SEMA5A: variants seen among roughly 807,000 people sequenced by gnomAD.
The protein encoded by SEMA5A is semaphorin 5A, also known as semaphorin-5A.
SEMA5A carries 55 observed loss-of-function variants against 135.5 expected under a neutral mutation model. That is an observed-to-expected ratio of 0.41 (90% confidence interval 0.33 to 0.51). SEMA5A has a LOEUF of 0.51. Ranked by LOEUF, SEMA5A falls within the 20% of genes least tolerant of loss-of-function variation. The probability of loss-of-function intolerance (pLI) is 0.37; values close to 1 mark genes in which losing one functional copy is unlikely to be tolerated. For synonymous variants in SEMA5A, 580 were observed against 546.5 expected (o/e 1.06, Z -0.85); for missense variants, 1,290 against 1,419.9 (o/e 0.91, Z 1.47).
intron 1 of SEMA5A, among the ~76,000 whole-genome samples, chr5:9,476,713 A>G (rs1434341197): frequency 2.6e-5 from 4 of 152,136 alleles, no homozygotes; most frequent in African/African-American, 9.7e-5. Flanking sequence ...CAGGTGACAT[A>G]CTTTTCCATC....
chr5:9,412,994 T>C (rs753163479), intron 2 of SEMA5A, among the ~76,000 whole-genome samples: 9 of 152,232 alleles, frequency 5.9e-5, no homozygotes, highest in Non-Finnish European at 7.3e-5. Flanking sequence ...TCATAATGTG[T>C]ACCATTCCAT....
intron 13 of SEMA5A, among the ~76,000 whole-genome samples, chr5:9,134,839 T>G (rs1023882287): frequency 1.3e-5 from 2 of 152,332 alleles, no homozygotes; most frequent in East Asian, 3.9e-4. Flanking sequence ...TTAAACATTA[T>G]GTTTTATCAA....
chr5:9,080,851 C>T (rs904799562), intron 16 of SEMA5A, among the ~76,000 whole-genome samples: 52 of 152,254 alleles, frequency 3.4e-4, no homozygotes, highest in Middle Eastern at 3.4e-3. Flanking sequence ...ACTCACACAC[C>T]TATGGTGGGG....
intron 3 of SEMA5A, among the ~76,000 whole-genome samples, chr5:9,346,309 G>A: frequency 6.6e-6 from 1 of 152,150 alleles, no homozygotes; most frequent in South Asian, 2.1e-4. Context: ...CCCTTCCACT[G>A]AGACCCACTT....
chr5:9,284,106 TAGAG>T (rs3034563), intron 5 of SEMA5A, among the ~76,000 whole-genome samples: 9,882 of 148,558 alleles, frequency 0.067, 350 homozygotes, highest in Middle Eastern at 0.17. Flanking sequence ...AGATAGATAT[TAGAG>T]AGAGAGAGAG....
rs183899257 is a variant in SEMA5A at position 9,188,619 on chromosome 5, T to C, written c.1273+1648A>G. Among the ~76,000 whole-genome samples the C allele has an allele frequency of 4.8e-3, 729 of 152,260 alleles. 4 individuals are homozygous for C. Among genetic ancestry groups the C allele is most frequent in the Middle Eastern group, 0.017 (5 of 294 alleles). ...ACTGCCTCCTAGAATTGGAAGAAGA[T>C]GGCCCTATTCTCCGTGTCATCAGCC... On this transcript the variant is annotated intron_variant, in intron 11 of 22. Coordinates refer to ENST00000382496, the MANE Select transcript of SEMA5A (RefSeq NM_003966.3).
At chr5:9,343,425 T>C (rs906185380) in intron 3 of SEMA5A, among the ~76,000 whole-genome samples, 5 of 151,970 alleles carry the variant, frequency 3.3e-5, no homozygotes, top group African/African-American at 1.2e-4. Context: ...AGCTGTGTCT[T>C]CACCTCCTCA....
At chr5:9,167,294 C>T (rs1743662754) in intron 11 of SEMA5A, among the ~76,000 whole-genome samples, 1 of 152,146 alleles carries the variant, frequency 6.6e-6, no homozygotes, top group Admixed American at 6.5e-5. Flanking sequence ...CTGACCTAAA[C>T]CTTCCTCTCT....
intron 4 of SEMA5A, among the ~76,000 whole-genome samples, chr5:9,327,392 G>T (rs1752927675): frequency 6.6e-6 from 1 of 152,122 alleles, no homozygotes; most frequent in Admixed American, 6.5e-5. Flanking sequence ...CATTCTCCCA[G>T]AATCATATTA....
chr5:9,481,721 G>A (rs1759883865), intron 1 of SEMA5A, among the ~76,000 whole-genome samples: 1 of 152,032 alleles, frequency 6.6e-6, no homozygotes, highest in South Asian at 2.1e-4. Flanking sequence ...ATTACAGGTG[G>A]CGGCAAGCTG....
intron 13 of SEMA5A, among the ~76,000 whole-genome samples, chr5:9,130,341 C>T (rs948743161): frequency 1.3e-5 from 2 of 152,098 alleles, no homozygotes; most frequent in African/African-American, 2.4e-5. Flanking sequence ...TTTTCATGTA[C>T]GTTTTGCCAT....
intron 16 of SEMA5A, among the ~76,000 whole-genome samples, chr5:9,096,554 C>CTG (rs56202626): frequency 0.21 from 30,184 of 144,280 alleles, 3,067 homozygotes; most frequent in Non-Finnish European, 0.24. Flanking sequence ...TAATATTCCA[C>CTG]TGTGTGTGTG....
chr5:9,478,310 C>A (rs1164342356), intron 1 of SEMA5A, among the ~76,000 whole-genome samples: 1 of 152,204 alleles, frequency 6.6e-6, no homozygotes. Flanking sequence ...GGGTTGGAGG[C>A]CCCATACAGA....
intron 5 of SEMA5A, among the ~76,000 whole-genome samples, chr5:9,297,540 T>C (rs1751400614): frequency 6.6e-6 from 1 of 152,016 alleles, no homozygotes; most frequent in Non-Finnish European, 1.5e-5. Context: ...CTGTGAGCAA[T>C]AAATTTCTGT....
intron 1 of SEMA5A, among the ~76,000 whole-genome samples, chr5:9,442,992 G>C (rs924267437): frequency 6.6e-6 from 1 of 152,162 alleles, no homozygotes; most frequent in African/African-American, 2.4e-5. Flanking sequence ...TGATTGACAG[G>C]AACTATGTGG....
intron 2 of SEMA5A, among the ~76,000 whole-genome samples, chr5:9,410,462 C>T (rs1389874516): frequency 1.3e-5 from 2 of 152,158 alleles, no homozygotes; most frequent in South Asian, 2.1e-4. Context: ...TTTCATTTCA[C>T]GTGTCTTTAA....
At chr5:9,122,624 G>T in intron 14 of SEMA5A, 32 bp downstream of exon 14, 1 of 1,493,810 alleles carries the variant, frequency 6.7e-7, no homozygotes, top group Non-Finnish European at 9.0e-7. Flanking sequence ...TTAATACACA[G>T]CAGCACAACT....
chr5:9,483,546 T>C (rs889248448), intron 1 of SEMA5A, among the ~76,000 whole-genome samples: 9 of 152,192 alleles, frequency 5.9e-5, no homozygotes, highest in Admixed American at 6.5e-5. Flanking sequence ...CTTGAGATTA[T>C]GTACCATAAA....
chr5:9,488,800 G>T (rs2126794854), intron 1 of SEMA5A, among the ~76,000 whole-genome samples: 1 of 152,220 alleles, frequency 6.6e-6, no homozygotes, highest in African/African-American at 2.4e-5. Context: ...TCCACCATAA[G>T]GTTCAAAGAT....
Sources: allele counts gnomAD v4.1 joint callset (sites outside exome capture counted in the v4.1 genomes callset), GRCh38; gene constraint gnomAD v4.1.1; transcripts MANE v1.5; gene names NCBI Gene and HGNC (gene_info 2026-07-23, HGNC 2026-07-21).